The following DMRT3 variants were observed in gnomAD, a reference collection of about 807,000 sequenced individuals.
The protein encoded by DMRT3 is doublesex and mab-3 related transcription factor 3, also known as doublesex- and mab-3-related transcription factor 3.
A neutral mutation model predicts 34.9 loss-of-function variants in DMRT3; 29 were observed. That is an observed-to-expected ratio of 0.83 (90% CI 0.62 to 1.13). DMRT3 has a LOEUF of 1.13. Among genes scored for constraint, DMRT3 ranks in the 50% most tolerant of loss-of-function variants. The pLI is 0.00. For missense variants in DMRT3, 772 were observed against 629.1 expected (o/e 1.23, Z -2.43); for synonymous variants, 350 against 286.0 (o/e 1.22, Z -2.26).
chr9:977,147 G>A lies in DMRT3; in HGVS notation c.146G>A (p.Arg49His), dbSNP rs746470383. 3 of 1,611,434 alleles carry A rather than the reference G, an allele frequency of 1.9e-6. No individual in the cohort carries two copies. The highest frequency in any genetic ancestry group is 4.5e-5 in the East Asian group (2 of 44,820). ...CTCAAGGGCCACAAGCGTTACTGCC[G>A]CTTCAAGGACTGCACCTGCGAGAAG... ...SWLKGHKRYC[R>H]FKDCTCEKCI... The change falls in exon 1 of 2, where the codon CGC becomes CAC. Residue 49 changes from arginine to histidine, a missense_variant. Transcript: ENST00000190165.
At chr9:979,263 G>A (rs1269583580) in intron 1 of DMRT3, among the ~76,000 whole-genome samples, 1 of 152,202 alleles carries the variant, frequency 6.6e-6, no homozygotes, top group East Asian at 1.9e-4. Context: ...GAGGAGGAGT[G>A]AGGGCAGGCA....
At chr9:988,254 A>G (rs1224006323) in intron 1 of DMRT3, among the ~76,000 whole-genome samples, 1 of 150,370 alleles carries the variant, frequency 6.7e-6, no homozygotes, top group Admixed American at 6.5e-5. Flanking sequence ...TATATTTTAT[A>G]TTAAAAAAGA....
intron 1 of DMRT3, among the ~76,000 whole-genome samples, chr9:978,861 C>G (rs1174917989): frequency 1.3e-5 from 2 of 152,182 alleles, no homozygotes; most frequent in Admixed American, 6.5e-5. Context: ...CCAGTTGTCT[C>G]TCTTTTGTCT....
In DMRT3 at chr9:990,389, A is replaced by G; in HGVS notation, c.803A>G (p.Glu268Gly). ...CCCAACCAGAAGCCAACGGTGCTTGAGCTCATCCTCAAGGGCTGTGGCGGG... is the reference window on the plus strand; with the variant it reads ...CCCAACCAGAAGCCAACGGTGCTTGGGCTCATCCTCAAGGGCTGTGGCGGG... ...IFPNQKPTVL[E>G]LILKGCGGDL... is the part of the protein sequence containing the mutation. Residue 268 changes from glutamate (E) to glycine (G), a missense_variant, in exon 2 of 2, where the codon GAG (glutamate) becomes GGG (glycine). By Grantham distance (98) the Glu-to-Gly change is moderately conservative (BLOSUM62 -2). Transcript: ENST00000190165. 6.2e-7 allele frequency: 1 copy of G among 1,614,108 alleles called. No individual in the cohort carries two copies. The highest frequency in any genetic ancestry group is 8.5e-7 in the Non-Finnish European group (1 of 1,180,040).
chr9:983,072 G>C (rs1185244970), intron 1 of DMRT3, among the ~76,000 whole-genome samples: 1 of 152,186 alleles, frequency 6.6e-6, no homozygotes, highest in Admixed American at 6.5e-5. Flanking sequence ...CCTCTTGCCT[G>C]AGCAATGCAT....
rs190303940 is a variant in DMRT3, at chr9:991,220, G to C, written c.*215G>C. On this transcript the variant is annotated 3_prime_UTR_variant, in exon 2 of 2. Transcript: ENST00000190165. ...AGCTCTGTTCTGTGGCTTTAGTGCT[G>C]AATGTTTATTGTAAAAGAGAGTCTA... 81 of 537,704 alleles carry C rather than the reference G, an allele frequency of 1.5e-4. No individual in the cohort carries two copies. In the East Asian group the frequency reaches 2.4e-3, roughly 16 times the overall value. 33.3% of individuals were successfully genotyped at this position (537,704 alleles called of 1,614,324 possible). A position where few individuals can be genotyped will look rare whatever the true frequency, so the allele number is the denominator to read the frequency against.
rs865998400 is a variant in DMRT3, at chr9:990,907, G to A, written c.1321G>A (p.Gly441Arg). The A allele has an allele frequency of 1.2e-6, 2 of 1,614,016 alleles. No individual in the cohort carries two copies. Among genetic ancestry groups the A allele is most frequent in the Admixed American group, 1.7e-5 (1 of 60,000 alleles). Residue 441 changes from glycine to arginine, a missense_variant, in exon 2 of 2, where the codon GGG becomes AGG. Gly to Arg is a moderately radical substitution (Grantham distance 125). Coordinates refer to ENST00000190165, the MANE Select transcript of DMRT3 (RefSeq NM_021240.4). ...CCCTCGGATTTCCATCCCTGATGAT[G>A]GGTGTCCATTTGTGTCAAAGCAGTC... Reference protein sequence around the residue: ...EDPRISIPDDGCPFVSKQSIY... With the variant: ...EDPRISIPDDRCPFVSKQSIY...
rs1301228434 is a variant in DMRT3 at position 977,042 on chromosome 9, C to G, written c.41C>G (p.Pro14Arg). 2.9e-5 allele frequency: 46 copies of G among 1,564,714 alleles called. No individual in the cohort carries two copies. The highest frequency in any genetic ancestry group is 3.8e-5 in the Non-Finnish European group (44 of 1,157,310). ...YGSPYLYMGG[P>R]VSQPPRAPLQ... ...TCCCCCTACCTGTACATGGGCGGCC[C>G]GGTGTCGCAGCCGCCACGGGCGCCC... The change falls in exon 1 of 2, where the codon CCG becomes CGG. Residue 14 changes from proline (P) to arginine (R), a missense_variant. Pro to Arg is a moderately radical substitution (Grantham distance 103). Coordinates refer to ENST00000190165, the MANE Select transcript of DMRT3 (RefSeq NM_021240.4).
At chr9:982,618 A>C (rs1820235855) in intron 1 of DMRT3, among the ~76,000 whole-genome samples, 1 of 152,220 alleles carries the variant, frequency 6.6e-6, no homozygotes, top group South Asian at 2.1e-4. Context: ...CATTGATGAG[A>C]AATTCTTTGC....
At chr9:988,971 T>A (rs1269554672) in intron 1 of DMRT3, among the ~76,000 whole-genome samples, 1 of 152,246 alleles carries the variant, frequency 6.6e-6, no homozygotes, top group African/African-American at 2.4e-5. Flanking sequence ...CTTACTCTTT[T>A]CTGTGTGCTT....
rs1820339763 is a variant in DMRT3, at chr9:990,346, G to T, written c.760G>T (p.Val254Leu). 6.2e-7 allele frequency: 1 copy of T among 1,613,756 alleles called. No individual in the cohort carries two copies. Among genetic ancestry groups the T allele is most frequent in the African/African-American group, 1.3e-5 (1 of 74,872 alleles). ...SLKANRPPLE[V>L]LKKIFPNQKP... ...GAAAGCCAACAGACCGCCGCTTGAA[G>T]TGTTAAAAAAGATATTCCCCAACCA... The change falls in exon 2 of 2, where the codon GTG becomes TTG. Residue 254 changes from valine to leucine, a missense_variant. Physicochemically the swap from Val to Leu is conservative, Grantham distance 32. Transcript: ENST00000190165.
rs2130051448 is a variant in DMRT3 at position 977,345 on chromosome 9, C to CGTCGCA, written c.346_351dup (p.Ser116_Gln117dup). 8.0e-7 allele frequency: 1 copy of CGTCGCA among 1,245,484 alleles called. No homozygotes were observed. Among genetic ancestry groups the CGTCGCA allele is most frequent in the African/African-American group, 1.6e-5 (1 of 63,888 alleles). The allele number at this position is 1,245,484 out of a possible 1,614,324, so 77.2% of individuals were successfully genotyped here. On this transcript the variant is annotated inframe_insertion, in exon 1 of 2. Transcript: ENST00000190165. ...CCGCAGCCGCCGCCAGCCTCTCAGC[C>CGTCGCA]GTCGCAGCCGCAGCCGCCGCGCCCT...
chr9:983,726 G>T (rs1367943408), intron 1 of DMRT3, among the ~76,000 whole-genome samples: 1 of 152,150 alleles, frequency 6.6e-6, no homozygotes, highest in African/African-American at 2.4e-5. Flanking sequence ...AGTCAAGAAA[G>T]AGATCAAAAC....
At chr9:988,536 A>T (rs1563689840) in intron 1 of DMRT3, among the ~76,000 whole-genome samples, 2 of 152,202 alleles carry the variant, frequency 1.3e-5, no homozygotes, top group African/African-American at 4.8e-5. Flanking sequence ...CTTTGATGAA[A>T]TTTCACAAAG....
intron 1 of DMRT3, among the ~76,000 whole-genome samples, chr9:987,807 C>G (rs1384342910): frequency 4.6e-5 from 7 of 152,002 alleles, no homozygotes; most frequent in Non-Finnish European, 8.8e-5. Context: ...TAAAGAAGTA[C>G]TTTATGTCCA....
rs1247354390 is a variant in DMRT3, at chr9:990,136, G to A, written c.550G>A (p.Ala184Thr). Residue 184 changes from alanine (A) to threonine (T), a missense_variant, in exon 2 of 2, where the codon GCA (alanine) becomes ACA (threonine). Transcript: ENST00000190165. ...TGACCAGAGGAGTTCCCCAGATGTG[G>A]CAAAGAGTAAGGGCTGCTTCACCCC... ...DTDQRSSPDV[A>T]KSKGCFTPES... 9.3e-6 allele frequency: 15 copies of A among 1,613,930 alleles called. No homozygotes were observed. The highest frequency in any genetic ancestry group is 1.3e-5 in the Non-Finnish European group (15 of 1,180,006).
At chr9:982,194 G>A (rs1052204576) in intron 1 of DMRT3, among the ~76,000 whole-genome samples, 30 of 152,214 alleles carry the variant, frequency 2.0e-4, no homozygotes, top group African/African-American at 4.8e-4. Flanking sequence ...ACCCCTTGGC[G>A]GTGGGGTCGC....
chr9:991,133 A>G lies in DMRT3; in HGVS notation c.*128A>G, dbSNP rs555051807. The G allele has an allele frequency of 3.2e-6, 4 of 1,233,360 alleles. No homozygotes were observed. Among genetic ancestry groups the G allele is most frequent in the East Asian group, 4.7e-5 (2 of 42,456 alleles). 76.4% of individuals were successfully genotyped at this position (1,233,360 alleles called of 1,614,324 possible). On this transcript the variant is annotated 3_prime_UTR_variant, in exon 2 of 2. Coordinates refer to ENST00000190165, the MANE Select transcript of DMRT3 (RefSeq NM_021240.4). ...TGACAAAGTGACTGTGCTTGATTCT[A>G]TACATTAGCAATAAAAACATAACTT...
At chr9:977,915 A>G (rs995880669) in intron 1 of DMRT3, among the ~76,000 whole-genome samples, 2 of 151,086 alleles carry the variant, frequency 1.3e-5, no homozygotes, top group African/African-American at 4.9e-5. Context: ...CAAGGCCAAC[A>G]CTCGGCTGAG....
Sources: allele counts gnomAD v4.1 joint callset (sites outside exome capture counted in the v4.1 genomes callset), GRCh38; gene constraint gnomAD v4.1.1; transcripts MANE v1.5; gene names NCBI Gene and HGNC (gene_info 2026-07-23, HGNC 2026-07-21).